Variants in STK3 observed in about 807,000 individuals in gnomAD.
STK3 encodes the protein serine/threonine-protein kinase 3.
In STK3, 41 loss-of-function variants were observed where a neutral mutation model predicts 58.0. The ratio of observed to expected loss-of-function variants is 0.71; its 90% confidence interval spans 0.55 to 0.92. STK3 has a LOEUF of 0.92. Ranked by LOEUF, STK3 falls within the 40% of genes least tolerant of loss-of-function variation. The probability of loss-of-function intolerance (pLI) is 0.00; values close to 1 mark genes in which losing one functional copy is unlikely to be tolerated. For synonymous variants in STK3, 170 were observed against 191.0 expected (o/e 0.89, Z 0.91); for missense variants, 479 against 602.7 (o/e 0.79, Z 2.15).
At chr8:98,913,079 G>A (rs1347248790) in intron 1 of STK3, among the ~76,000 whole-genome samples, 1 of 151,390 alleles carries the variant, frequency 6.6e-6, no homozygotes. Context: ...AGCCCATTTT[G>A]GCTATTTTTG....
chr8:98,603,161 T>G (rs1287251578), intron 6 of STK3: 1 of 151,934 alleles, frequency 6.6e-6, no homozygotes, highest in East Asian at 1.9e-4. Flanking sequence ...TTAGGATAAT[T>G]TGAGCATCAA....
intron 10 of STK3, among the ~76,000 whole-genome samples, chr8:98,511,696 C>A (rs533601343): frequency 1.3e-5 from 2 of 152,146 alleles, no homozygotes; most frequent in South Asian, 4.1e-4. Context: ...AATGTATTAT[C>A]AATCTGAACA....
intron 8 of STK3, among the ~76,000 whole-genome samples, chr8:98,574,797 G>A (rs1327663225): frequency 1.3e-5 from 2 of 152,036 alleles, no homozygotes; most frequent in Non-Finnish European, 2.9e-5. Flanking sequence ...AGTGGGCAGA[G>A]CAAAAAACTC....
chr8:98,649,708 T>C (rs1193644489), intron 6 of STK3, among the ~76,000 whole-genome samples: 1 of 152,230 alleles, frequency 6.6e-6, no homozygotes, highest in Non-Finnish European at 1.5e-5. Context: ...TCAACAAGTA[T>C]GAACATTATG....
intron 6 of STK3, among the ~76,000 whole-genome samples, chr8:98,668,970 G>A (rs1461012296): frequency 2.0e-5 from 3 of 149,000 alleles, no homozygotes; most frequent in East Asian, 2.0e-4. Context: ...TTGATTACAC[G>A]TGCCAAATTA....
chr8:98,705,008 G>C (rs987784236), intron 6 of STK3, among the ~76,000 whole-genome samples: 7 of 152,130 alleles, frequency 4.6e-5, no homozygotes, highest in Non-Finnish European at 8.8e-5. Flanking sequence ...TTGTGTTCCT[G>C]TTTTTATGCT....
intron 3 of STK3, among the ~76,000 whole-genome samples, chr8:98,425,995 A>G (rs1371792628): frequency 6.6e-6 from 1 of 152,138 alleles, no homozygotes; most frequent in Non-Finnish European, 1.5e-5. Context: ...GACTGGGTCC[A>G]TTTCTCAGCT....
At chr8:98,625,672 T>C (rs993895307) in intron 6 of STK3, among the ~76,000 whole-genome samples, 9 of 152,142 alleles carry the variant, frequency 5.9e-5, no homozygotes, top group South Asian at 2.1e-4. Context: ...GGCTTAAAAA[T>C]TGAAACGAAT....
intron 8 of STK3, among the ~76,000 whole-genome samples, chr8:98,578,711 A>G (rs747899018): frequency 7.2e-5 from 11 of 152,244 alleles, no homozygotes; most frequent in Non-Finnish European, 1.3e-4. Flanking sequence ...TACATTTTCA[A>G]TCAGTAAAAC....
At chr8:98,614,386 A>T (rs1817477000) in intron 6 of STK3, among the ~76,000 whole-genome samples, 1 of 144,404 alleles carries the variant, frequency 6.9e-6, no homozygotes, top group South Asian at 2.1e-4. Flanking sequence ...AAAATCAAGC[A>T]CTTGAAAACT....
intron 10 of STK3, among the ~76,000 whole-genome samples, chr8:98,506,154 ACTG>A (rs892993347): frequency 5.3e-5 from 8 of 152,270 alleles, no homozygotes; most frequent in Middle Eastern, 3.4e-3. Context: ...TTGATCTCAG[ACTG>A]CTGCACTAGC....
chr8:98,923,852 T>C lies in STK3; in HGVS notation c.-79+18526A>G, dbSNP rs868430749. Among the ~76,000 whole-genome samples, 734 of 128,228 alleles carry C rather than the reference T, an allele frequency of 5.7e-3. 7 individuals carry two copies. Among genetic ancestry groups the C allele is most frequent in the African/African-American group, 0.019 (662 of 35,746 alleles). 84.1% of individuals were successfully genotyped at this position (128,228 alleles called of 152,430 possible). A position where few individuals can be genotyped will look rare whatever the true frequency, so the allele number is the denominator to read the frequency against. The stretch of plus-strand genomic sequence containing the variant: ...ACGTGTGTGTGTGTGTGTGTGTGTG[T>C]GTGCGCGCGCGCGCGCGCGCGCGCG... On this transcript the variant is annotated intron_variant, in intron 1 of 1. Coordinates refer to the STK3 transcript ENST00000519420.
chr8:98,483,412 T>C (rs1478659086), intron 10 of STK3, among the ~76,000 whole-genome samples: 1 of 152,172 alleles, frequency 6.6e-6, no homozygotes, highest in African/African-American at 2.4e-5. Context: ...AGCCACACAA[T>C]ATTAATCATA....
In STK3 at chr8:98,614,405, C is replaced by T. The variant is rs117926549; in HGVS notation, c.685-18236G>A. ...TCAAGCACTTGAAAACTAAAGAACA[C>T]GCTTTCAAATAATCTATGTGTCAAA... On this transcript the variant is annotated intron_variant, in intron 6 of 10. Transcript: ENST00000419617. Among the ~76,000 whole-genome samples the T allele has an allele frequency of 1.1e-4, 16 of 152,228 alleles. No individual in the cohort carries two copies. In the East Asian group the frequency reaches 2.1e-3, roughly 20 times the overall value.
At chr8:98,589,974 A>G (rs556917448) in intron 7 of STK3, among the ~76,000 whole-genome samples, 1 of 152,076 alleles carries the variant, frequency 6.6e-6, no homozygotes, top group Admixed American at 6.5e-5. Context: ...CGGTGCACGC[A>G]CCCACTGACC....
At chr8:98,926,346 A>G (rs1378564156) in intron 1 of STK3, among the ~76,000 whole-genome samples, 1 of 152,170 alleles carries the variant, frequency 6.6e-6, no homozygotes, top group African/African-American at 2.4e-5. Flanking sequence ...AAACCTATTC[A>G]TTGACCTGGA....
At chr8:98,930,894 C>A (rs1459101279) in intron 1 of STK3, among the ~76,000 whole-genome samples, 1 of 152,172 alleles carries the variant, frequency 6.6e-6, no homozygotes, top group South Asian at 2.1e-4. Flanking sequence ...ATGTGAATGT[C>A]ATTCTGAGAA....
At chr8:98,707,872 C>T (rs909546053) in intron 4 of STK3, among the ~76,000 whole-genome samples, 1 of 152,074 alleles carries the variant, frequency 6.6e-6, no homozygotes, top group Non-Finnish European at 1.5e-5. Flanking sequence ...GGCGTGGTGG[C>T]TCACACCTGT....
chr8:98,930,041 A>G (rs1199660739), intron 1 of STK3, among the ~76,000 whole-genome samples: 1 of 152,218 alleles, frequency 6.6e-6, no homozygotes, highest in Admixed American at 6.5e-5. Flanking sequence ...CCTCAAAATT[A>G]TTAAGATCTT....
Sources: gnomAD v4.1 joint callset for allele counts (sites outside exome capture counted in the v4.1 genomes callset) on GRCh38, gnomAD v4.1.1 for gene constraint, MANE v1.5 for transcripts, NCBI Gene and HGNC (gene_info 2026-07-23, HGNC 2026-07-21) for gene names.